Variants in NHSL1 observed in about 807,000 individuals in gnomAD.
NHSL1 encodes the protein NHS like 1, also known as NHS-like protein 1.
A neutral mutation model predicts 95.0 loss-of-function variants in NHSL1; 48 were observed. The observed-to-expected ratio is 0.51, with a 90% CI of 0.40 to 0.64. The LOEUF (loss-of-function observed/expected upper bound fraction) is 0.64. Among genes scored for constraint, NHSL1 ranks in the 30% least tolerant of loss-of-function variants. The probability of loss-of-function intolerance (pLI) is 0.00; values close to 1 mark genes in which losing one functional copy is unlikely to be tolerated. For missense variants in NHSL1, 1,971 were observed against 2,077.7 expected, an observed-to-expected ratio of 0.95 and a Z score of 1.00; for synonymous variants, 783 against 833.9, an observed-to-expected ratio of 0.94 and a Z score of 1.05.
At chr6:138,446,713 T>C (rs747447647) in intron 4 of NHSL1, 19 of 331,382 alleles carry the variant, frequency 5.7e-5, no homozygotes, top group Non-Finnish European at 1.1e-4. Context: ...ACCAAAGGCT[T>C]ACTAAAAAGC....
chr6:138,429,588 TA>T (rs1775490173), intron 7 of NHSL1, 122 bp downstream of exon 7: 1 of 832,762 alleles, frequency 1.2e-6, no homozygotes, highest in Non-Finnish European at 1.8e-6. Context: ...AAATCAACAG[TA>T]AAGTTAAGGA....
At chr6:138,606,017 T>C (rs1329112809) in intron 1 of NHSL1, among the ~76,000 whole-genome samples, 1 of 152,250 alleles carries the variant, frequency 6.6e-6, no homozygotes. Context: ...GTTCTGCTTT[T>C]TAAATATGGA....
Position 138,424,499 on chromosome 6 carries a change from G to A in NHSL1, c.4403C>T (p.Ser1468Phe), listed in dbSNP as rs961912876. 2 of 1,551,636 alleles carry A rather than the reference G, an allele frequency of 1.3e-6. No individual in the cohort carries two copies. The highest frequency in any genetic ancestry group is 1.7e-6 in the Non-Finnish European group (2 of 1,146,988). ...PDAPESPSSC[S>F]PSKNRRAQEE... Reference sequence around the variant, plus strand: ...CTGCGCCCTTCTGTTCTTGCTTGGGGAGCAGCTTGACGGGCTCTCGGGGGC... The same window carrying A: ...CTGCGCCCTTCTGTTCTTGCTTGGGAAGCAGCTTGACGGGCTCTCGGGGGC... The change falls in exon 8 of 8, where the codon TCC (serine) becomes TTC (phenylalanine). Residue 1468 changes from serine (S) to phenylalanine (F), a missense_variant. Transcript: ENST00000343505. The surrounding 1 kb of genome is among the most constrained non-coding windows in gnomAD (Gnocchi z 5.9).
upstream of NHSL1, among the ~76,000 whole-genome samples, chr6:138,573,423 C>T (rs1208774128): frequency 2.0e-5 from 3 of 152,090 alleles, no homozygotes; most frequent in South Asian, 2.1e-4. Flanking sequence ...TACTCAGCAT[C>T]GATCAGATAC....
chr6:138,613,117 C>CA (rs1784535753), intron 1 of NHSL1, among the ~76,000 whole-genome samples: 1 of 152,182 alleles, frequency 6.6e-6, no homozygotes, highest in African/African-American at 2.4e-5. Flanking sequence ...ATGATGCAAA[C>CA]AGGTATGGAA....
intron 2 of NHSL1, among the ~76,000 whole-genome samples, chr6:138,492,060 C>T (rs1412359942): frequency 6.6e-6 from 1 of 152,132 alleles, no homozygotes; most frequent in Non-Finnish European, 1.5e-5. Flanking sequence ...AAGCCTGTGA[C>T]CATCAAATTT....
At chr6:138,593,130 T>A (rs556603735) in intron 1 of NHSL1, among the ~76,000 whole-genome samples, 1 of 152,326 alleles carries the variant, frequency 6.6e-6, no homozygotes, top group South Asian at 2.1e-4. Flanking sequence ...CAAAGACTTA[T>A]TGAATCCTGA....
chr6:138,572,872 T>C (rs1783892869), upstream of NHSL1, among the ~76,000 whole-genome samples: 1 of 152,072 alleles, frequency 6.6e-6, no homozygotes, highest in South Asian at 2.1e-4. Flanking sequence ...GATAGATAGA[T>C]AGATAGATAG....
chr6:138,450,093 C>T (rs1777130923), intron 3 of NHSL1, among the ~76,000 whole-genome samples: 1 of 152,148 alleles, frequency 6.6e-6, no homozygotes, highest in Non-Finnish European at 1.5e-5. Flanking sequence ...GGGTCAGCAG[C>T]AGCTAAGCCA....
intron 1 of NHSL1, among the ~76,000 whole-genome samples, chr6:138,667,493 C>T (rs1785310436): frequency 6.6e-6 from 1 of 152,176 alleles, no homozygotes; most frequent in Non-Finnish European, 1.5e-5. Context: ...ATCGCATAAC[C>T]ATCACTCAGC....
At position 138,432,291 on chromosome 6, in the gene NHSL1, G is replaced by A. The variant is rs1340080497; in HGVS notation, c.2054C>T (p.Pro685Leu). The A allele has an allele frequency of 1.9e-6, 3 of 1,551,240 alleles. No homozygotes were observed. The highest frequency in any genetic ancestry group is 2.7e-5 in the African/African-American group (2 of 72,974). The change falls in exon 6 of 8, where the codon CCC becomes CTC. Residue 685 changes from proline (P) to leucine (L), a missense_variant. Pro to Leu is a moderately conservative substitution (Grantham distance 98, BLOSUM62 -3). Coordinates refer to ENST00000343505, the MANE Select transcript of NHSL1 (RefSeq NM_001144060.2). The surrounding 1 kb of genome is among the most constrained non-coding windows in gnomAD (Gnocchi z 4.4). ...CCCGTTGCACTGGCTGCTCTTCTTG[G>A]GAATCCTGCGGAGGGAGTCTGTCCG... The part of the protein sequence containing the change: ...PSRTDSLRRI[P>L]KKSSQCNGQV...
intron 1 of NHSL1, among the ~76,000 whole-genome samples, chr6:138,589,965 G>T (rs1270503980): frequency 6.6e-6 from 1 of 152,020 alleles, no homozygotes; most frequent in East Asian, 1.9e-4. Flanking sequence ...CTGATTGCCA[G>T]CCTCTAGTGT....
chr6:138,513,770 C>T (rs1781337473), intron 1 of NHSL1, among the ~76,000 whole-genome samples: 1 of 152,118 alleles, frequency 6.6e-6, no homozygotes, highest in Non-Finnish European at 1.5e-5. Flanking sequence ...CCATTGTTCA[C>T]TTTCATCGAA....
intron 1 of NHSL1, among the ~76,000 whole-genome samples, chr6:138,671,753 T>C (rs1467951708): frequency 1.3e-5 from 2 of 151,994 alleles, no homozygotes; most frequent in Admixed American, 1.3e-4. Flanking sequence ...CATAGAAATA[T>C]ACACACCCCA....
rs968754180 is a variant in NHSL1, at chr6:138,432,305, G to C, written c.2040C>G (p.Ser680=). 2 of 1,551,634 alleles carry C rather than the reference G, an allele frequency of 1.3e-6. No individual in the cohort carries two copies. The highest frequency in any genetic ancestry group is 2.0e-5 in the Admixed American group (1 of 50,986). Residue 680 remains serine, a synonymous_variant, in exon 6 of 8, where the codon TCC becomes TCG. Transcript: ENST00000343505. The surrounding 1 kb of genome is among the most constrained non-coding windows in gnomAD (Gnocchi z 4.4). The stretch of plus-strand genomic sequence containing the variant: ...TGCTCTTCTTGGGAATCCTGCGGAG[G>C]GAGTCTGTCCGGGAGGGTGGCAGGG... The part of the protein sequence containing the change: ...KPPLPPSRTD[S]LRRIPKKSSQ...
At chr6:138,569,297 G>A (rs75536519) in intron 1 of NHSL1, among the ~76,000 whole-genome samples, 9,108 of 152,016 alleles carry the variant, frequency 0.06, 905 homozygotes, top group African/African-American at 0.21. Context: ...AAGAGAGCGA[G>A]AGAGAAAAAG....
intron 1 of NHSL1, among the ~76,000 whole-genome samples, chr6:138,568,709 T>C (rs536648007): frequency 6.6e-6 from 1 of 152,190 alleles, no homozygotes; most frequent in Non-Finnish European, 1.5e-5. Flanking sequence ...TCAATATGTA[T>C]CTTGTAATTA....
intron 1 of NHSL1, among the ~76,000 whole-genome samples, chr6:138,665,735 G>A (rs1785285548): frequency 6.6e-6 from 1 of 151,834 alleles, no homozygotes; most frequent in Admixed American, 6.6e-5. Context: ...TTCTGTCTCA[G>A]TTTTCTATTG....
At chr6:138,530,903 C>A (rs1184211290) in intron 1 of NHSL1, among the ~76,000 whole-genome samples, 1 of 152,018 alleles carries the variant, frequency 6.6e-6, no homozygotes, top group Non-Finnish European at 1.5e-5. Flanking sequence ...GAAATCGTCA[C>A]TAAAGAACTT....
Sources: allele counts gnomAD v4.1 joint callset (sites outside exome capture counted in the v4.1 genomes callset), GRCh38; gene constraint gnomAD v4.1.1; non-coding constraint Gnocchi (gnomAD v3.1); transcripts MANE v1.5; gene names NCBI Gene and HGNC (gene_info 2026-07-23, HGNC 2026-07-21).